Variants in TACR2 observed in about 807,000 individuals in gnomAD.
The protein encoded by TACR2 is tachykinin receptor 2.
TACR2 carries 24 observed loss-of-function variants against 28.9 expected under a neutral mutation model. The observed-to-expected ratio is 0.83, with a 90% CI of 0.60 to 1.17. The LOEUF (loss-of-function observed/expected upper bound fraction) is 1.17. Ranked by LOEUF, TACR2 falls within the 50% of genes most tolerant of loss-of-function variation. The probability of loss-of-function intolerance (pLI) is 0.00; values close to 1 mark genes in which losing one functional copy is unlikely to be tolerated. For synonymous variants in TACR2, 222 were observed against 212.6 expected (o/e 1.04, Z -0.38); for missense variants, 487 against 524.4 (o/e 0.93, Z 0.70).
chr10:69,409,865 G>GTATATATATATA (rs755195281), intron 2 of TACR2, among the ~76,000 whole-genome samples: 1 of 118,972 alleles, frequency 8.4e-6, no homozygotes, highest in Non-Finnish European at 1.7e-5. Flanking sequence ...ATATGTATAT[G>GTATATATATATA]TATATATATA....
rs200050168 is a variant in TACR2 at position 69,405,043 on chromosome 10, C to T, written c.980G>A (p.Trp327Ter). The T allele has an allele frequency of 7.4e-6, 12 of 1,613,974 alleles. No individual in the cohort carries two copies. The highest frequency in any genetic ancestry group is 1.7e-5 in the Admixed American group (1 of 60,008). Residue 327 changes from tryptophan (W) to a stop codon, truncating the protein, a stop_gained, in exon 5 of 5, where the codon TGG (tryptophan) becomes TAG (stop). Coordinates refer to ENST00000373306, the MANE Select transcript of TACR2 (RefSeq NM_001057.3). LOFTEE classifies it high-confidence loss of function. ...GFRLAFRCCP[W>*]VTPTKEDKLE... is the part of the protein sequence containing the mutation. ...CTTATCTTCCTTGGTGGGTGTGACC[C>T]ATGGGCAGCAGCGGAAGGCAAGCCG...
chr10:69,409,865 G>GTATATATATATATATACATATATACATA (rs60694286), intron 2 of TACR2, among the ~76,000 whole-genome samples: 60 of 118,950 alleles, frequency 5.0e-4, no homozygotes, highest in Admixed American at 4.2e-3. Context: ...ATATGTATAT[G>GTATATATATATATATACATATATACATA]TATATATATA....
At chr10:69,414,796 A>G in intron 2 of TACR2, 149 bp downstream of exon 2, 1 of 803,946 alleles carries the variant, frequency 1.2e-6, no homozygotes, top group Non-Finnish European at 1.9e-6. Context: ...AGGTATATTC[A>G]CACAATCCCG....
At chr10:69,407,356 A>AC in intron 3 of TACR2, 76 bp from the exon 4 acceptor site, 1 of 1,398,440 alleles carries the variant, frequency 7.2e-7, no homozygotes, top group South Asian at 1.4e-5. Context: ...GACACAGAGG[A>AC]CCCCTTGCAC....
At chr10:69,412,517 G>A (rs1027850923) in intron 2 of TACR2, among the ~76,000 whole-genome samples, 2 of 152,164 alleles carry the variant, frequency 1.3e-5, no homozygotes, top group African/African-American at 2.4e-5. Context: ...GCCCAGAGAG[G>A]CACAGGAAGT....
chr10:69,409,904 C>CATATATATATATATAT (rs10663894), intron 2 of TACR2, among the ~76,000 whole-genome samples: 19 of 34,608 alleles, frequency 5.5e-4, no homozygotes, highest in Admixed American at 1.0e-3. Context: ...TATATATATA[C>CATATATATATATATAT]ATATATATAT....
intron 1 of TACR2, among the ~76,000 whole-genome samples, chr10:69,415,651 GA>G (rs1347560938): frequency 2.6e-5 from 4 of 152,180 alleles, no homozygotes; most frequent in Non-Finnish European, 4.4e-5. Context: ...GAACACTTCA[GA>G]AGGTCGCTAA....
intron 2 of TACR2, among the ~76,000 whole-genome samples, chr10:69,409,829 ATATATGTATACGTATACG>A (rs1308491843): frequency 1.4e-5 from 2 of 145,386 alleles, no homozygotes; most frequent in African/African-American, 5.1e-5. Flanking sequence ...CAGTATAGCC[ATATATGTATACGTATACG>A]TATATGTATA....
chr10:69,405,840 A>C (rs1473718225), intron 4 of TACR2, among the ~76,000 whole-genome samples: 1 of 152,220 alleles, frequency 6.6e-6, no homozygotes, highest in Non-Finnish European at 1.5e-5. Context: ...CCCTGTCTCC[A>C]GGTTTTCAAT....
rs1840533923 is a variant in TACR2 at position 69,408,965 on chromosome 10, T to A, written c.698A>T (p.Gln233Leu). 6.3e-7 allele frequency: 1 copy of A among 1,586,932 alleles called. No homozygotes were observed. The highest frequency in any genetic ancestry group is 1.4e-5 in the African/African-American group (1 of 72,880). The change falls in exon 3 of 5, where the codon CAG becomes CTG. Residue 233 changes from glutamine to leucine, a missense_variant. Coordinates refer to ENST00000373306, the MANE Select transcript of TACR2 (RefSeq NM_001057.3). ...GTGGCGCAGGTTGGCACCGTGCGCCTGATGTCCGGGCACTGCGCGCCTCCA... is the reference window on the plus strand; with the variant it reads ...GTGGCGCAGGTTGGCACCGTGCGCCAGATGTCCGGGCACTGCGCGCCTCCA... ...TLWRRAVPGH[Q>L]AHGANLRHLQ...
In TACR2 at chr10:69,406,671, G is replaced by A. The variant is rs986525; in HGVS notation, c.938+413C>T. Among the ~76,000 whole-genome samples, 1,263 of 152,096 alleles carry A rather than the reference G, an allele frequency of 8.3e-3. 3 individuals carry two copies. The highest frequency in any genetic ancestry group is 0.013 in the Non-Finnish European group (860 of 67,982). On this transcript the variant is annotated intron_variant, in intron 4 of 4. Coordinates refer to ENST00000373306, the MANE Select transcript of TACR2 (RefSeq NM_001057.3). ...CAGTAGGAAGCTTGTGAAAATACTA[G>A]AACAGAAGTCAGTCCCTCCCTCCCG...
In TACR2 at chr10:69,415,047, A is replaced by G. The variant is rs1211386179; in HGVS notation, c.485T>C (p.Leu162Pro). The G allele has an allele frequency of 1.9e-6, 3 of 1,613,770 alleles. No homozygotes were observed. In the Admixed American group the frequency reaches 5.0e-5, roughly 27 times the overall value. ...IAGIWLVALA[L>P]ASPQCFYSTV... ...GGAGTAGAAGCACTGAGGGGAGGCC[A>G]GGGCGAGAGCCACCAGCCAGATGCC... is the stretch of plus-strand genomic sequence containing the variant. Residue 162 changes from leucine (L) to proline (P), a missense_variant, in exon 2 of 5, where the codon CTG becomes CCG. Physicochemically the swap from Leu to Pro is moderately conservative, Grantham distance 98. Transcript: ENST00000373306.
intron 1 of TACR2, 46 bp from the exon 2 acceptor site, chr10:69,415,185 C>T (rs757285186): frequency 6.4e-7 from 1 of 1,571,352 alleles, no homozygotes; most frequent in Non-Finnish European, 8.7e-7. Context: ...TCCTGTTAGC[C>T]CAGCTCCCTT....
chr10:69,406,145 G>A (rs1042715009), intron 4 of TACR2, among the ~76,000 whole-genome samples: 3 of 152,196 alleles, frequency 2.0e-5, no homozygotes, highest in East Asian at 1.9e-4. Flanking sequence ...ATGGCATTAT[G>A]AGTAGCCTGG....
At chr10:69,410,286 A>T (rs4369300) in intron 2 of TACR2, among the ~76,000 whole-genome samples, 87,262 of 151,444 alleles carry the variant, frequency 0.58, 25,942 homozygotes, top group South Asian at 0.7. Context: ...GGAGACCAGG[A>T]TGGGAGGACT....
chr10:69,405,885 G>C (rs1840497338), intron 4 of TACR2, among the ~76,000 whole-genome samples: 1 of 152,210 alleles, frequency 6.6e-6, no homozygotes, highest in Admixed American at 6.5e-5. Flanking sequence ...GCGTGGTGTG[G>C]GGATAAGATG....
In TACR2 at chr10:69,409,910, T is replaced by TACATATATATATATATACATAC. The variant is rs1411082720; in HGVS notation, c.588-836_588-835insGTATGTATATATATATATATGT. On this transcript the variant is annotated intron_variant, in intron 2 of 4. Transcript: ENST00000373306. ...ATATACATATATATATATACATATATATATATATATATATATATATATATA... is the reference window on the plus strand; with the variant it reads ...ATATACATATATATATATACATATATACATATATATATATATACATACATATATATATATATATATATATATA... 9.1e-5 allele frequency among the ~76,000 whole-genome samples: 2 copies of TACATATATATATATATACATAC among 21,976 alleles called. 1 individual carries two copies. The highest frequency in any genetic ancestry group is 2.7e-3 in the East Asian group (2 of 748). The allele number at this position is 21,976 out of a possible 152,430, so 14.4% of individuals were successfully genotyped here.
Position 69,416,253 on chromosome 10 carries a change from G to A in TACR2, c.71C>T (p.Thr24Ile). The A allele has an allele frequency of 1.2e-6, 2 of 1,613,594 alleles. No individual in the cohort carries two copies. Among genetic ancestry groups the A allele is most frequent in the Non-Finnish European group, 1.7e-6 (2 of 1,179,668 alleles). The part of the protein sequence containing the change: ...SGPESNTTGI[T>I]AFSMPSWQLA... ...TTGCCAGCTGGGCATGGAGAAGGCT[G>A]TGATGCCCGTGGTGTTGCTCTCAGG... The change falls in exon 1 of 5, where the codon ACA becomes ATA. Residue 24 changes from threonine to isoleucine, a missense_variant. Coordinates refer to ENST00000373306, the MANE Select transcript of TACR2 (RefSeq NM_001057.3).
chr10:69,411,385 T>G (rs187674013), intron 2 of TACR2, among the ~76,000 whole-genome samples: 184 of 152,318 alleles, frequency 1.2e-3, no homozygotes, highest in Admixed American at 4.2e-3. Flanking sequence ...GGAATTCAGT[T>G]CATGATTTTA....
Sources: allele counts gnomAD v4.1 joint callset (sites outside exome capture counted in the v4.1 genomes callset), GRCh38; gene constraint gnomAD v4.1.1; transcripts MANE v1.5; gene names NCBI Gene and HGNC (gene_info 2026-07-23, HGNC 2026-07-21).